The following ACBD6 variants were observed in gnomAD, a reference collection of about 807,000 sequenced individuals.
The protein encoded by ACBD6 is acyl-CoA-binding domain-containing protein 6.
ACBD6 carries 28 observed loss-of-function variants against 37.2 expected under a neutral mutation model. The ratio of observed to expected loss-of-function variants is 0.75; its 90% CI spans 0.56 to 1.03. The LOEUF (loss-of-function observed/expected upper bound fraction) is 1.03, where lower values mean the gene tolerates loss of function less well. Ranked by LOEUF, ACBD6 falls within the 50% of genes least tolerant of loss-of-function variation. ACBD6 has a pLI of 0.00. For synonymous variants in ACBD6, 113 were observed against 126.8 expected (o/e 0.89, Z 0.73); for missense variants, 340 against 337.4 (o/e 1.01, Z -0.06).
chr1:180,342,461 T>G (rs1331932048), intron 6 of ACBD6, among the ~76,000 whole-genome samples: 1 of 152,126 alleles, frequency 6.6e-6, no homozygotes, highest in Non-Finnish European at 1.5e-5. Flanking sequence ...CTCTTACTCA[T>G]TTTTTGTATG....
intron 6 of ACBD6, among the ~76,000 whole-genome samples, chr1:180,382,662 T>A (rs922481147): frequency 6.6e-6 from 1 of 151,892 alleles, no homozygotes; most frequent in East Asian, 1.9e-4. Flanking sequence ...AACCATTCTT[T>A]AAAAAAAACT....
At chr1:180,329,258 G>A (rs1450032168) in intron 6 of ACBD6, among the ~76,000 whole-genome samples, 1 of 152,166 alleles carries the variant, frequency 6.6e-6, no homozygotes, top group Non-Finnish European at 1.5e-5. Flanking sequence ...GTGCACTAAG[G>A]TATATAAGGC....
chr1:180,499,718 T>C (rs1203979996), intron 1 of ACBD6, among the ~76,000 whole-genome samples: 1 of 152,162 alleles, frequency 6.6e-6, no homozygotes, highest in African/African-American at 2.4e-5. Context: ...AATCAAAAGT[T>C]TCACTCTAAT....
chr1:180,394,654 G>T (rs1159935822), intron 6 of ACBD6, among the ~76,000 whole-genome samples: 1 of 152,056 alleles, frequency 6.6e-6, no homozygotes, highest in Non-Finnish European at 1.5e-5. Flanking sequence ...AAGATAGACT[G>T]AAATACATAA....
At chr1:180,372,960 G>A (rs1023175321) in intron 6 of ACBD6, among the ~76,000 whole-genome samples, 1 of 152,078 alleles carries the variant, frequency 6.6e-6, no homozygotes, top group Non-Finnish European at 1.5e-5. Context: ...CTCCCAGACC[G>A]GGACTTTGAC....
chr1:180,435,415 AT>A (rs57053936), intron 3 of ACBD6: 138,773 of 294,266 alleles, frequency 0.47, 21,857 homozygotes, highest in Non-Finnish European at 0.49. Context: ...CGCCTGGCTA[AT>A]TTTTTTTTTT....
At chr1:180,481,024 C>T (rs1226473249) in intron 3 of ACBD6, among the ~76,000 whole-genome samples, 3 of 148,984 alleles carry the variant, frequency 2.0e-5, no homozygotes, top group Non-Finnish European at 4.4e-5. Context: ...AGTGAGACTC[C>T]GTCTCAAAAA....
chr1:180,423,371 G>A (rs978014840), intron 4 of ACBD6, among the ~76,000 whole-genome samples: 11 of 152,120 alleles, frequency 7.2e-5, no homozygotes, highest in African/African-American at 2.4e-4. Context: ...AAACCAGTTA[G>A]TTTTCCCCCT....
At chr1:180,293,798 T>C (rs967118997) in intron 7 of ACBD6, among the ~76,000 whole-genome samples, 1 of 152,156 alleles carries the variant, frequency 6.6e-6, no homozygotes, top group African/African-American at 2.4e-5. Context: ...GTAGTGGCTA[T>C]TCACAAGCAT....
chr1:180,491,220 T>G (rs1183472364), intron 3 of ACBD6, among the ~76,000 whole-genome samples: 1 of 152,138 alleles, frequency 6.6e-6, no homozygotes, highest in African/African-American at 2.4e-5. Context: ...ACACTGAAAA[T>G]TGTTTAATTC....
At chr1:180,294,837 A>C (rs192505264) in intron 7 of ACBD6, among the ~76,000 whole-genome samples, 1 of 151,836 alleles carries the variant, frequency 6.6e-6, no homozygotes, top group East Asian at 2.0e-4. Flanking sequence ...TGGGACTTAC[A>C]GGCTCAAACA....
At chr1:180,369,385 G>A (rs1003285317) in intron 6 of ACBD6, among the ~76,000 whole-genome samples, 1 of 152,264 alleles carries the variant, frequency 6.6e-6, no homozygotes, top group East Asian at 1.9e-4. Flanking sequence ...GAGTGAGCTG[G>A]GTCATTTGGA....
chr1:180,285,787 C>A (rs1057239652), downstream of ACBD6, among the ~76,000 whole-genome samples: 1 of 151,864 alleles, frequency 6.6e-6, no homozygotes, highest in Non-Finnish European at 1.5e-5. Context: ...ATTATAGCAA[C>A]CTTTTAGCTG....
chr1:180,322,947 G>A (rs1021494572), intron 6 of ACBD6, among the ~76,000 whole-genome samples: 3 of 151,044 alleles, frequency 2.0e-5, no homozygotes, highest in African/African-American at 7.3e-5. Context: ...TGGTTCTTTA[G>A]GATGCACCAT....
chr1:180,422,093 A>G lies in ACBD6; in HGVS notation c.467+8087T>C, dbSNP rs960239750. Among the ~76,000 whole-genome samples the G allele has an allele frequency of 5.9e-4, 90 of 152,192 alleles. 2 individuals are homozygous for G. The highest frequency in any genetic ancestry group is 1.3e-4 in the Non-Finnish European group (9 of 68,044). On this transcript the variant is annotated intron_variant, in intron 4 of 7. Transcript: ENST00000367595. Reference sequence around the variant, plus strand: ...TATGCCTTTCCTATAGCAATACTACACCTACATAAAAGCTGAACTTACAAT... The same window carrying G: ...TATGCCTTTCCTATAGCAATACTACGCCTACATAAAAGCTGAACTTACAAT...
chr1:180,392,023 T>C (rs1654095880), intron 6 of ACBD6, among the ~76,000 whole-genome samples: 1 of 152,166 alleles, frequency 6.6e-6, no homozygotes, highest in Non-Finnish European at 1.5e-5. Context: ...AAATGTTATG[T>C]TGAACATAAT....
chr1:180,356,615 G>A (rs574857351), intron 6 of ACBD6, among the ~76,000 whole-genome samples: 9 of 152,056 alleles, frequency 5.9e-5, no homozygotes, highest in East Asian at 1.9e-4. Context: ...GGGAGGCCGC[G>A]GCAGGTGGAC....
chr1:180,351,286 T>C (rs1375754276), intron 6 of ACBD6, among the ~76,000 whole-genome samples: 1 of 151,830 alleles, frequency 6.6e-6, no homozygotes, highest in East Asian at 1.9e-4. Flanking sequence ...TTACGTTTTT[T>C]TTTTTTTTTG....
At chr1:180,495,009 C>T (rs1339946113) in intron 2 of ACBD6, among the ~76,000 whole-genome samples, 3 of 152,090 alleles carry the variant, frequency 2.0e-5, no homozygotes, top group Non-Finnish European at 2.9e-5. Context: ...ATGGGTGGGG[C>T]AAGGAACACA....
Sources: allele counts gnomAD v4.1 joint callset (sites outside exome capture counted in the v4.1 genomes callset), GRCh38; gene constraint gnomAD v4.1.1; transcripts MANE v1.5; gene names NCBI Gene and HGNC (gene_info 2026-07-23, HGNC 2026-07-21).